Variants in TKTL1 observed in about 807,000 individuals in gnomAD.
TKTL1 encodes transketolase-like protein 1.
In TKTL1, 1 loss-of-function variant was observed where a neutral mutation model predicts 39.3. The observed-to-expected ratio is 0.03, with a 90% confidence interval of 0.01 to 0.12. The LOEUF is 0.12. TKTL1 is among the 10% of genes least tolerant of loss of function. The pLI is 1.00. For missense variants in TKTL1, 575 were observed against 509.6 expected, an observed-to-expected ratio of 1.13 and a Z score of -1.24; for synonymous variants, 262 against 193.8, an observed-to-expected ratio of 1.35 and a Z score of -2.92.
chrX:154,302,877 G>A (rs1308437560), intron 1 of TKTL1, among the ~76,000 whole-genome samples: 6 of 111,088 alleles, frequency 5.4e-5, no homozygotes, highest in Admixed American at 9.6e-5. Flanking sequence ...AGGCAGGGAC[G>A]GGAGTGACCC....
At position 154,323,967 on chromosome X, in the gene TKTL1, C is replaced by T. The variant is rs145946337; in HGVS notation, c.1317+630C>T. Among the ~76,000 whole-genome samples, 62 of 112,843 alleles carry T rather than the reference C, an allele frequency of 5.5e-4. No individual in the cohort carries two copies. In the East Asian group the frequency reaches 0.016, roughly 28 times the overall value. Reference sequence around the variant, plus strand: ...TTCCCACTAACGTTCAGCAGGTTTCCCTTGCCACCCTGGACCTCGCCCATG... The same window carrying T: ...TTCCCACTAACGTTCAGCAGGTTTCTCTTGCCACCCTGGACCTCGCCCATG... On this transcript the variant is annotated intron_variant, in intron 9 of 12. Coordinates refer to ENST00000369915, the MANE Select transcript of TKTL1 (RefSeq NM_012253.4).
intron 7 of TKTL1, among the ~76,000 whole-genome samples, chrX:154,316,918 C>T (rs782333982): frequency 4.4e-4 from 48 of 109,778 alleles, no homozygotes; most frequent in African/African-American, 1.3e-3. Context: ...TACAGACATG[C>T]GCCACCATGC....
intron 8 of TKTL1, among the ~76,000 whole-genome samples, chrX:154,322,384 TAGCC>T (rs1380703233): frequency 9.1e-6 from 1 of 109,437 alleles, no homozygotes; most frequent in Admixed American, 9.8e-5. Flanking sequence ...ATACAAAACT[TAGCC>T]AGACATGTTG....
rs1557170435 is a variant in TKTL1 at position 154,320,757 on chromosome X, G to T, written c.1030G>T (p.Val344Leu). 1.7e-6 allele frequency: 2 copies of T among 1,211,480 alleles called. No homozygotes were observed. The highest frequency in any genetic ancestry group is 4.3e-5 in the Admixed American group (2 of 46,099). ...IECFMAEQNM[V>L]SVALGCASRG... Reference sequence around the variant, plus strand: ...CTGATTCATGTTCTCTGTGCTGCAGGTGAGCGTGGCTCTGGGCTGTGCCTC... The same window carrying T: ...CTGATTCATGTTCTCTGTGCTGCAGTTGAGCGTGGCTCTGGGCTGTGCCTC... Residue 344 changes from valine (V) to leucine (L), a missense_variant and splice_region_variant, in exon 8 of 13, where the codon GTG becomes TTG. By Grantham distance (32) the Val-to-Leu change is conservative. Coordinates refer to ENST00000369915, the MANE Select transcript of TKTL1 (RefSeq NM_012253.4).
chrX:154,316,173 C>T (rs2067398492), intron 7 of TKTL1, among the ~76,000 whole-genome samples: 1 of 111,380 alleles, frequency 9.0e-6, no homozygotes, highest in Non-Finnish European at 1.9e-5. Flanking sequence ...GGGTTCACGA[C>T]ATTCTCCTGC....
At chrX:154,317,475 A>G (rs1603353666) in intron 7 of TKTL1, among the ~76,000 whole-genome samples, 1 of 112,307 alleles carries the variant, frequency 8.9e-6, no homozygotes, top group Non-Finnish European at 1.9e-5. Context: ...GCCAAGTGGT[A>G]GGAGCATGGT....
At chrX:154,313,765 C>T (rs1392875501) in intron 6 of TKTL1, among the ~76,000 whole-genome samples, 3 of 109,420 alleles carry the variant, frequency 2.7e-5, no homozygotes, top group African/African-American at 6.7e-5. Flanking sequence ...AGTGAGACCC[C>T]ATCTCTACAT....
At chrX:154,318,427 C>T (rs1347240901) in intron 7 of TKTL1, among the ~76,000 whole-genome samples, 4 of 108,525 alleles carry the variant, frequency 3.7e-5, no homozygotes, top group African/African-American at 6.7e-5. Context: ...AGGCCGGGTG[C>T]GGTGGCTCAC....
At chrX:154,299,409 C>T (rs2067256160) in intron 1 of TKTL1, among the ~76,000 whole-genome samples, 1 of 108,383 alleles carries the variant, frequency 9.2e-6, no homozygotes, top group African/African-American at 3.4e-5. Context: ...CCCACCTCGG[C>T]TTCCCAAAGT....
Position 154,306,144 on chromosome X carries a change from T to C in TKTL1, c.252+723T>C, listed in dbSNP as rs1603351842. On this transcript the variant is annotated intron_variant, in intron 2 of 12. Transcript: ENST00000369915. Reference sequence around the variant, plus strand: ...CAACATAGCAAAACTCCGTCTCCACTTAAAAAAAAAAAAAATTAGCTAGGC... The same window carrying C: ...CAACATAGCAAAACTCCGTCTCCACCTAAAAAAAAAAAAAATTAGCTAGGC... 6.9e-5 allele frequency among the ~76,000 whole-genome samples: 7 copies of C among 100,998 alleles called. No individual in the cohort carries two copies. The South Asian group carries it at 2.8e-3, about 41-fold the overall frequency. 87.7% of individuals were successfully genotyped at this position (100,998 alleles called of 115,157 possible).
At chrX:154,318,403 AAGAGTTCG>A (rs1253763705) in intron 7 of TKTL1, among the ~76,000 whole-genome samples, 1 of 110,268 alleles carries the variant, frequency 9.1e-6, no homozygotes, top group Non-Finnish European at 1.9e-5. Context: ...GCTGGAGTTC[AAGAGTTCG>A]AGACCAGGCC....
intron 1 of TKTL1, among the ~76,000 whole-genome samples, chrX:154,302,196 T>C (rs1209644324): frequency 1.8e-5 from 2 of 110,998 alleles, no homozygotes; most frequent in East Asian, 2.8e-4. Context: ...CATTCCTCTT[T>C]CTTTTTTTTT....
At chrX:154,324,493 C>T (rs2067478407) in intron 9 of TKTL1, among the ~76,000 whole-genome samples, 1 of 111,994 alleles carries the variant, frequency 8.9e-6, no homozygotes, top group African/African-American at 3.2e-5. Flanking sequence ...TGATTTCACA[C>T]GTTATAGGGT....
intron 7 of TKTL1, among the ~76,000 whole-genome samples, chrX:154,317,968 T>A (rs2067415140): frequency 8.9e-6 from 1 of 112,514 alleles, no homozygotes; most frequent in Non-Finnish European, 1.9e-5. Flanking sequence ...GGCTGGGCAG[T>A]AGATCAGTCA....
chrX:154,319,407 C>A (rs1557170129), intron 7 of TKTL1, among the ~76,000 whole-genome samples: 1 of 111,808 alleles, frequency 8.9e-6, no homozygotes, highest in Non-Finnish European at 1.9e-5. Context: ...TGAGAGCATG[C>A]CCTTTGGGGA....
chrX:154,296,492 C>T (rs781958649), intron 1 of TKTL1, among the ~76,000 whole-genome samples: 22 of 108,800 alleles, frequency 2.0e-4, no homozygotes, highest in Non-Finnish European at 3.1e-4. Context: ...GGCGAAACCC[C>T]GTCTCTTACC....
chrX:154,314,300 C>A (rs781998497), intron 6 of TKTL1, among the ~76,000 whole-genome samples: 2 of 111,579 alleles, frequency 1.8e-5, no homozygotes, highest in African/African-American at 6.5e-5. Context: ...AACTGCAGAG[C>A]AACTTTCTTT....
intron 10 of TKTL1, among the ~76,000 whole-genome samples, chrX:154,326,441 A>G (rs1371934096): frequency 8.9e-6 from 1 of 112,655 alleles, no homozygotes; most frequent in Non-Finnish European, 1.9e-5. Context: ...CATACTGAAT[A>G]GAAAGGTTTG....
rs1397582869 is a variant in TKTL1 at position 154,311,012 on chromosome X, G to A, written c.527G>A (p.Arg176His). 5 of 1,210,573 alleles carry A rather than the reference G, an allele frequency of 4.1e-6. No individual in the cohort carries two copies. The highest frequency in any genetic ancestry group is 5.6e-6 in the Non-Finnish European group (5 of 895,266). ...CACTGCATAAACATCTATCAGAGGCGCTGCGAAGCCTTTGGGTAACTGTAT... is the reference window on the plus strand; with the variant it reads ...CACTGCATAAACATCTATCAGAGGCACTGCGAAGCCTTTGGGTAACTGTAT... ...AEHCINIYQR[R>H]CEAFGWNTYV... The change falls in exon 4 of 13, where the codon CGC becomes CAC. Residue 176 changes from arginine (R) to histidine (H), a missense_variant. Physicochemically the swap from Arg to His is conservative, Grantham distance 29. Transcript: ENST00000369915.
Sources: gnomAD v4.1 joint callset for allele counts (sites outside exome capture counted in the v4.1 genomes callset) on GRCh38, gnomAD v4.1.1 for gene constraint, MANE v1.5 for transcripts, NCBI Gene and HGNC (gene_info 2026-07-23, HGNC 2026-07-21) for gene names.